Variants in TPTE2 observed in about 807,000 individuals in gnomAD.
TPTE2 encodes the protein transmembrane phosphoinositide 3-phosphatase and tensin homolog 2.
A neutral mutation model predicts 78.6 loss-of-function variants in TPTE2; 53 were observed. The observed-to-expected ratio is 0.67, with a 90% CI of 0.54 to 0.85. TPTE2 has a LOEUF of 0.85. Among genes scored for constraint, TPTE2 ranks in the 40% least tolerant of loss-of-function variants. The probability of loss-of-function intolerance (pLI) is 0.00; values close to 1 mark genes in which losing one functional copy is unlikely to be tolerated. For synonymous variants in TPTE2, 175 were observed against 206.2 expected (o/e 0.85, Z 1.30); for missense variants, 461 against 623.0 (o/e 0.74, Z 2.77).
chr13:19,547,478 T>C, the TPTE2 span, among the ~76,000 whole-genome samples: 2 of 152,056 alleles, frequency 1.3e-5, no homozygotes, highest in African/African-American at 4.8e-5. Context: ...TGTAAGTACT[T>C]ATGGCAATTT....
chr13:19,518,205 CAT>C (rs1284350597), intron 1 of TPTE2, among the ~76,000 whole-genome samples: 1 of 152,138 alleles, frequency 6.6e-6, no homozygotes, highest in African/African-American at 2.4e-5. Flanking sequence ...AAAATACACT[CAT>C]ATTCTAGCTA....
chr13:19,431,127 CAAA>C (rs71092354), intron 16 of TPTE2, among the ~76,000 whole-genome samples: 2 of 85,472 alleles, frequency 2.3e-5, no homozygotes. Context: ...ACTCTGTCTC[CAAA>C]AAAAAAAAAA....
chr13:19,462,696 C>A lies in TPTE2; in HGVS notation c.741+1760G>T, dbSNP rs1407350973. Among the ~76,000 whole-genome samples the A allele has an allele frequency of 3.9e-5, 6 of 151,966 alleles. No homozygotes were observed. The South Asian group carries it at 1.0e-3, about 26-fold the overall frequency. ...TAACTGGAACTACAGGTTCACGCCA[C>A]CACACCTAGCTAATTTTTTTCTATT... On this transcript the variant is annotated intron_variant, in intron 10 of 19. Coordinates refer to ENST00000400230, the Ensembl canonical transcript of TPTE2.
intron 17 of TPTE2, among the ~76,000 whole-genome samples, chr13:19,429,222 G>A (rs1876371440): frequency 6.6e-6 from 1 of 152,234 alleles, no homozygotes. Flanking sequence ...CATTATAGAA[G>A]GAGAAAGAAA....
At chr13:19,464,573 A>G in intron 9 of TPTE2, 53 bp from the exon 13 acceptor site, 1 of 1,563,728 alleles carries the variant, frequency 6.4e-7, no homozygotes, top group Non-Finnish European at 8.6e-7. Context: ...TTCATATAAC[A>G]CAAAAAAAAT....
chr13:19,532,958 C>A (rs973461011), intron 1 of TPTE2, among the ~76,000 whole-genome samples: 8 of 152,170 alleles, frequency 5.3e-5, no homozygotes, highest in Non-Finnish European at 1.2e-4. Flanking sequence ...TATGATGACA[C>A]CTCAAGGTCA....
At chr13:19,560,631 A>T in the TPTE2 span, 1 of 1,578,216 alleles carries the variant, frequency 6.3e-7, no homozygotes, top group South Asian at 1.1e-5. Flanking sequence ...GGTGCCCATC[A>T]GGGCCAGCAG....
At chr13:19,427,890 T>G (rs768280489) in intron 17 of TPTE2, among the ~76,000 whole-genome samples, 1 of 152,072 alleles carries the variant, frequency 6.6e-6, no homozygotes, top group Non-Finnish European at 1.5e-5. Context: ...CAAAAGGAGG[T>G]GCAGACTCAG....
chr13:19,448,787 T>C (rs1353101130), intron 13 of TPTE2, among the ~76,000 whole-genome samples: 1 of 152,194 alleles, frequency 6.6e-6, no homozygotes. Flanking sequence ...AACTACCATA[T>C]GATTTGGAGA....
At chr13:19,498,148 T>C (rs1023987318) in intron 1 of TPTE2, among the ~76,000 whole-genome samples, 5 of 151,952 alleles carry the variant, frequency 3.3e-5, no homozygotes, top group African/African-American at 1.2e-4. Flanking sequence ...TATGGGACTA[T>C]GAAAAGACCA....
intron 3 of TPTE2, among the ~76,000 whole-genome samples, chr13:19,489,214 A>T (rs907564337): frequency 9.9e-5 from 15 of 152,218 alleles, no homozygotes; most frequent in Admixed American, 2.6e-4. Flanking sequence ...AGATATGATA[A>T]TAAAAAGTTT....
Position 19,535,217 on chromosome 13 carries a change from AC to A in TPTE2, c.-44+1378del, listed in dbSNP as rs1372233094. On this transcript the variant is annotated intron_variant, in intron 1 of 17. Coordinates refer to the TPTE2 transcript ENST00000390680. This position sits in a 1 kb window ranked among gnomAD's most constrained non-coding sequence, Gnocchi z 5.1. Reference sequence around the variant, plus strand: ...GATTCCTTCTCAAAAAAACAAACAAACAAAAAAATATATATATATATATATT... The same window carrying A: ...GATTCCTTCTCAAAAAAACAAACAAAAAAAAAATATATATATATATATATT... 0.018 allele frequency among the ~76,000 whole-genome samples: 126 copies of A among 6,948 alleles called. No individual in the cohort carries two copies. Among genetic ancestry groups the A allele is most frequent in the African/African-American group, 0.046 (98 of 2,108 alleles). The allele number at this position is 6,948 out of a possible 152,430, so 4.6% of individuals were successfully genotyped here.
Position 19,486,919 on chromosome 13 carries a change from C to T in TPTE2, c.120-4372G>A, listed in dbSNP as rs1259305023. 6.6e-6 allele frequency among the ~76,000 whole-genome samples: 1 copy of T among 152,086 alleles called. No homozygotes were observed. Reference sequence around the variant, plus strand: ...AGCCCAGGGGACTGCTTCTATAAGCCAGGATGTGGACACGAGGCTGCTCGG... The same window carrying T: ...AGCCCAGGGGACTGCTTCTATAAGCTAGGATGTGGACACGAGGCTGCTCGG... On this transcript the variant is annotated intron_variant, in intron 3 of 19. Transcript: ENST00000400230. The surrounding 1 kb of genome is among the most constrained non-coding windows in gnomAD (Gnocchi z 4.3).
At chr13:19,438,498 T>A (rs1262878229) in intron 13 of TPTE2, 1 of 929,408 alleles carries the variant, frequency 1.1e-6, no homozygotes, top group Non-Finnish European at 1.3e-6. Flanking sequence ...ATTTAGTACA[T>A]TAATATAACT....
At chr13:19,431,260 C>T (rs1278963800) in intron 16 of TPTE2, among the ~76,000 whole-genome samples, 2 of 152,112 alleles carry the variant, frequency 1.3e-5, no homozygotes, top group Non-Finnish European at 2.9e-5. Flanking sequence ...CATTTAACTA[C>T]TTTGGCCCTA....
intron 17 of TPTE2, among the ~76,000 whole-genome samples, chr13:19,429,854 A>ACAAAT (rs1255499430): frequency 2.0e-5 from 3 of 152,304 alleles, no homozygotes; most frequent in South Asian, 2.1e-4. Flanking sequence ...TTGTAGCAAA[A>ACAAAT]CATTGACTAC....
At chr13:19,525,277 A>G (rs977640171) in intron 1 of TPTE2, among the ~76,000 whole-genome samples, 1 of 152,220 alleles carries the variant, frequency 6.6e-6, no homozygotes, top group African/African-American at 2.4e-5. Flanking sequence ...TGGAGATGCC[A>G]CACTACCTGA....
intron 6 of TPTE2, among the ~76,000 whole-genome samples, chr13:19,469,892 G>C (rs541702245): frequency 6.6e-6 from 1 of 152,052 alleles, no homozygotes; most frequent in South Asian, 2.1e-4. Flanking sequence ...CAACTTTACT[G>C]AATTTATCAG....
chr13:19,517,346 T>C (rs1227209779), intron 1 of TPTE2, among the ~76,000 whole-genome samples: 1 of 152,162 alleles, frequency 6.6e-6, no homozygotes, highest in African/African-American at 2.4e-5. Flanking sequence ...TTAAATCAAA[T>C]CTTGACCCAA....
Sources: gnomAD v4.1 joint callset for allele counts (sites outside exome capture counted in the v4.1 genomes callset) on GRCh38, gnomAD v4.1.1 for gene constraint, Gnocchi (gnomAD v3.1) non-coding constraint, MANE v1.5 for transcripts, NCBI Gene and HGNC (gene_info 2026-07-23, HGNC 2026-07-21) for gene names.